Variants in IQSEC3 observed in about 807,000 individuals in gnomAD.
IQSEC3 encodes the protein IQ motif and SEC7 domain-containing protein 3.
Under a neutral mutation model 105.4 loss-of-function variants are expected in IQSEC3, and 50 were observed. That is an observed-to-expected ratio of 0.47 (90% CI 0.38 to 0.60). The LOEUF is 0.60. IQSEC3 is among the 20% of genes least tolerant of loss of function. The pLI is 0.00. For synonymous variants in IQSEC3, 708 were observed against 746.0 expected, an observed-to-expected ratio of 0.95 and a Z score of 0.83; for missense variants, 1,415 against 1,630.0, an observed-to-expected ratio of 0.87 and a Z score of 2.27.
rs782330071 is a variant in IQSEC3 at position 165,506 on chromosome 12, A to G, written c.2782A>G (p.Met928Val). Residue 928 changes from methionine to valine, a missense_variant, in exon 10 of 14, where the codon ATG becomes GTG. This residue lies in a region of IQSEC3 where 419 missense variants were observed against 436.2 expected (regional missense o/e 0.96). Coordinates refer to ENST00000538872, the MANE Select transcript of IQSEC3 (RefSeq NM_001170738.2). ...TTGCAAGTCAGTTGGCCTGCTGGGCATGCAGTTCCAGCTCTTTGAGAACGA... is the reference window on the plus strand; with the variant it reads ...TTGCAAGTCAGTTGGCCTGCTGGGCGTGCAGTTCCAGCTCTTTGAGAACGA... ...TFCKSVGLLG[M>V]QFQLFENEYY... is the part of the protein sequence containing the mutation. 1 of 1,612,582 alleles carries G rather than the reference A, an allele frequency of 6.2e-7. No homozygotes were observed. The highest frequency in any genetic ancestry group is 2.2e-5 in the East Asian group (1 of 44,880).
intron 1 of IQSEC3, among the ~76,000 whole-genome samples, chr12:71,620 T>C (rs1555067567): frequency 6.6e-6 from 1 of 152,298 alleles, no homozygotes; most frequent in African/African-American, 2.4e-5. Context: ...TCTATGGAGA[T>C]ACCTGTTTTG....
chr12:168,969 T>G, intron 11 of IQSEC3, 44 bp from the exon 12 acceptor site: 89 of 1,536,018 alleles, frequency 5.8e-5, no homozygotes, highest in Non-Finnish European at 7.1e-5. Context: ...TCTGTGTGGT[T>G]GAGGTTAAGG....
In IQSEC3 at chr12:175,527, G is replaced by A. The variant is rs116535489; in HGVS notation, c.*494G>A. 8.5e-3 allele frequency: 1,308 copies of A among 153,138 alleles called. 13 individuals are homozygous for A. Among genetic ancestry groups the A allele is most frequent in the African/African-American group, 0.029 (1,216 of 41,554 alleles). The allele number at this position is 153,138 out of a possible 1,614,324, so 9.5% of individuals were successfully genotyped here. On this transcript the variant is annotated 3_prime_UTR_variant, in exon 14 of 14. Transcript: ENST00000538872. ...GAGGAGGGTTGGTCCCACCCCTGGA[G>A]GGACAGGTGGGAGGAGTGAGGAGGG... is the stretch of plus-strand genomic sequence containing the variant.
chr12:136,942 AC>A (rs1865788065), intron 3 of IQSEC3, among the ~76,000 whole-genome samples: 1 of 152,100 alleles, frequency 6.6e-6, no homozygotes, highest in Non-Finnish European at 1.5e-5. Context: ...GAGAAAACCC[AC>A]GGACAGGAGG....
intron 2 of IQSEC3, among the ~76,000 whole-genome samples, chr12:108,360 T>G (rs1405941538): frequency 1.3e-5 from 2 of 152,244 alleles, no homozygotes; most frequent in African/African-American, 4.8e-5. Flanking sequence ...GCTTCAGGGC[T>G]TGGTTAAGAG....
chr12:172,464 C>T (rs1939058088), intron 13 of IQSEC3, among the ~76,000 whole-genome samples: 2 of 152,186 alleles, frequency 1.3e-5, no homozygotes, highest in South Asian at 4.1e-4. Context: ...GGGAGGACAA[C>T]CAACCCCACG....
chr12:78,511 A>C (rs1424516942), intron 1 of IQSEC3, among the ~76,000 whole-genome samples: 1 of 151,128 alleles, frequency 6.6e-6, no homozygotes, highest in Non-Finnish European at 1.5e-5. Flanking sequence ...TCAGCAAAAA[A>C]AAAAAATAAA....
intron 2 of IQSEC3, among the ~76,000 whole-genome samples, chr12:110,899 G>A (rs1330295896): frequency 2.0e-5 from 3 of 152,142 alleles, no homozygotes; most frequent in Non-Finnish European, 2.9e-5. Flanking sequence ...CTGTTTAGAA[G>A]GAACGGGGAA....
intron 1 of IQSEC3, among the ~76,000 whole-genome samples, chr12:81,591 G>A (rs947130754): frequency 6.6e-5 from 10 of 152,184 alleles, no homozygotes; most frequent in African/African-American, 2.2e-4. Flanking sequence ...TTAGAAGGAT[G>A]GGATGGAGAA....
intron 3 of IQSEC3, among the ~76,000 whole-genome samples, chr12:127,259 A>G (rs12319471): frequency 0.083 from 12,648 of 151,948 alleles, 1,556 homozygotes; most frequent in African/African-American, 0.27. Flanking sequence ...GGTGGCTCAT[A>G]CCTGTAATCC....
intron 1 of IQSEC3, among the ~76,000 whole-genome samples, chr12:91,895 G>T (rs369943056): frequency 6.6e-6 from 1 of 152,102 alleles, no homozygotes; most frequent in Non-Finnish European, 1.5e-5. Flanking sequence ...CTCCCATCTC[G>T]CTTGGGAGAT....
At chr12:86,768 T>A (rs1863930465) in intron 1 of IQSEC3, among the ~76,000 whole-genome samples, 1 of 152,146 alleles carries the variant, frequency 6.6e-6, no homozygotes, top group South Asian at 2.1e-4. Context: ...AACAACCTGA[T>A]GAGGTCATTT....
At chr12:121,692 G>C (rs1865223245) in intron 2 of IQSEC3, among the ~76,000 whole-genome samples, 1 of 152,098 alleles carries the variant, frequency 6.6e-6, no homozygotes. Flanking sequence ...TGACAAGGGG[G>C]CTAAATGTTG....
chr12:172,520 G>A (rs1427275561), intron 13 of IQSEC3, among the ~76,000 whole-genome samples: 1 of 152,148 alleles, frequency 6.6e-6, no homozygotes, highest in Non-Finnish European at 1.5e-5. Flanking sequence ...CTGCAAGGCT[G>A]CCACCCTCAG....
At chr12:103,692 T>A (rs1234286476) in intron 2 of IQSEC3, among the ~76,000 whole-genome samples, 1 of 580 alleles carries the variant, frequency 1.7e-3, no homozygotes, top group African/African-American at 0.015. Flanking sequence ...CAGGGGTAGG[T>A]GGGGGCTCAG....
intron 8 of IQSEC3, among the ~76,000 whole-genome samples, chr12:162,917 G>A (rs1418171954): frequency 6.6e-6 from 1 of 152,114 alleles, no homozygotes; most frequent in Admixed American, 6.5e-5. Context: ...CAGGTTGACA[G>A]TGGCTGGACT....
Position 126,942 on chromosome 12 carries a change from CA to C in IQSEC3, c.903+1031del, listed in dbSNP as rs143392082. Among the ~76,000 whole-genome samples, 719 of 152,308 alleles carry C rather than the reference CA, an allele frequency of 4.7e-3. 4 individuals carry two copies. Among genetic ancestry groups the C allele is most frequent in the African/African-American group, 0.016 (684 of 41,558 alleles). ...TATCCTGGCTCAGGCCAGCTGTAGG[CA>C]GCACATCAGTAAAGTGTTTGACCAA... On this transcript the variant is annotated intron_variant, in intron 3 of 13. Transcript: ENST00000538872.
At chr12:125,582 G>T in intron 2 of IQSEC3, 51 bp from the exon 3 acceptor site, 9 of 1,442,614 alleles carry the variant, frequency 6.2e-6, no homozygotes, top group Non-Finnish European at 8.1e-6. Flanking sequence ...ACATCCACAC[G>T]CACCCTGTCG....
At chr12:172,653 C>T (rs886083469) in intron 13 of IQSEC3, among the ~76,000 whole-genome samples, 1 of 152,240 alleles carries the variant, frequency 6.6e-6, no homozygotes, top group Non-Finnish European at 1.5e-5. Flanking sequence ...GGCCAAGCCC[C>T]TCTGGCAGGT....
Sources: allele counts gnomAD v4.1 joint callset (sites outside exome capture counted in the v4.1 genomes callset), GRCh38; gene constraint gnomAD v4.1.1; regional missense constraint gnomAD v4.1.1; transcripts MANE v1.5; gene names NCBI Gene and HGNC (gene_info 2026-07-23, HGNC 2026-07-21).